Variants in SUMF1 observed in about 807,000 individuals in gnomAD.
SUMF1 encodes sulfatase modifying factor 1, also known as formylglycine-generating enzyme.
Under a neutral mutation model 47.6 loss-of-function variants are expected in SUMF1, and 48 were observed. The ratio of observed to expected loss-of-function variants is 1.01; its 90% CI spans 0.80 to 1.28. The LOEUF is 1.28. SUMF1 is among the 50% of genes most tolerant of loss of function. The pLI is 0.00. For missense variants in SUMF1, 571 were observed against 485.4 expected (o/e 1.18, Z -1.66); for synonymous variants, 230 against 192.1 (o/e 1.20, Z -1.63).
chr3:4,105,781 C>T (rs551371227), intron 8 of SUMF1, among the ~76,000 whole-genome samples: 84 of 152,186 alleles, frequency 5.5e-4, no homozygotes, highest in Non-Finnish European at 9.3e-4. Context: ...AAATCTATAT[C>T]ATAAATTGAA....
chr3:4,466,608 C>G (rs138405685), intron 1 of SUMF1, among the ~76,000 whole-genome samples: 2 of 152,086 alleles, frequency 1.3e-5, no homozygotes, highest in Non-Finnish European at 2.9e-5. Context: ...ATACAACAAC[C>G]CTGGTGAAGA....
chr3:4,412,741 G>A (rs950051944), intron 6 of SUMF1, among the ~76,000 whole-genome samples: 1 of 152,000 alleles, frequency 6.6e-6, no homozygotes, highest in Non-Finnish European at 1.5e-5. Flanking sequence ...AAAAAAATTA[G>A]CCAGGCAGGT....
At chr3:4,188,190 T>C (rs1019678956) in intron 8 of SUMF1, among the ~76,000 whole-genome samples, 1 of 151,880 alleles carries the variant, frequency 6.6e-6, no homozygotes, top group African/African-American at 2.4e-5. Flanking sequence ...TTTTTTTTTT[T>C]TTTGAGACAG....
chr3:4,071,683 T>C (rs1279538974), intron 8 of SUMF1, among the ~76,000 whole-genome samples: 1 of 152,164 alleles, frequency 6.6e-6, no homozygotes, highest in Non-Finnish European at 1.5e-5. Context: ...TAAACAAAGC[T>C]GCCAGGAAGC....
intron 8 of SUMF1, among the ~76,000 whole-genome samples, chr3:4,295,295 C>G (rs1433434597): frequency 6.6e-6 from 1 of 152,012 alleles, no homozygotes; most frequent in African/African-American, 2.4e-5. Context: ...GGATTCCAGT[C>G]TCAGATGATA....
intron 7 of SUMF1, among the ~76,000 whole-genome samples, chr3:4,379,840 C>CAAAAA (rs58264459): frequency 2.2e-4 from 17 of 76,866 alleles, no homozygotes; most frequent in African/African-American, 4.8e-4. Context: ...GCCTCCATCT[C>CAAAAA]AAAAAAAAAA....
chr3:4,325,288 A>C (rs1033677455), intron 8 of SUMF1, among the ~76,000 whole-genome samples: 9 of 152,128 alleles, frequency 5.9e-5, no homozygotes, highest in African/African-American at 2.2e-4. Context: ...TTATTCCTAG[A>C]AGGCTAGTAT....
chr3:4,150,379 C>T (rs971924055), intron 8 of SUMF1, among the ~76,000 whole-genome samples: 7 of 151,422 alleles, frequency 4.6e-5, no homozygotes, highest in South Asian at 4.2e-4. Context: ...CTGGGCAACA[C>T]GGTGAAATCC....
intron 8 of SUMF1, among the ~76,000 whole-genome samples, chr3:4,227,919 G>C (rs892240879): frequency 2.6e-5 from 4 of 152,090 alleles, no homozygotes; most frequent in Admixed American, 2.0e-4. Context: ...ATTTATATTT[G>C]AGTGTGATGC....
chr3:4,089,047 T>C (rs1406002706), intron 8 of SUMF1, among the ~76,000 whole-genome samples: 1 of 152,062 alleles, frequency 6.6e-6, no homozygotes. Context: ...AGATGACATA[T>C]ACCCCTGTCA....
At chr3:4,406,422 G>A (rs570928640) in intron 7 of SUMF1, among the ~76,000 whole-genome samples, 1 of 152,246 alleles carries the variant, frequency 6.6e-6, no homozygotes, top group Non-Finnish European at 1.5e-5. Context: ...TCGGGAGGCG[G>A]AGGCAGGTGG....
chr3:4,371,016 A>T (rs1700151238), intron 8 of SUMF1, among the ~76,000 whole-genome samples: 1 of 152,216 alleles, frequency 6.6e-6, no homozygotes, highest in Non-Finnish European at 1.5e-5. Context: ...ATCACTTGAG[A>T]AAACAGTCAA....
chr3:4,303,576 G>C (rs1698042351), intron 8 of SUMF1: 1 of 1,346,494 alleles, frequency 7.4e-7, no homozygotes, highest in South Asian at 2.0e-5. Flanking sequence ...GCTCCCCCAC[G>C]TGGTCTCCTC....
intron 8 of SUMF1, among the ~76,000 whole-genome samples, chr3:4,246,744 A>T (rs1266259441): frequency 1.3e-5 from 2 of 152,088 alleles, no homozygotes; most frequent in African/African-American, 4.8e-5. Context: ...ATACTTCACT[A>T]ACCACCAAGA....
chr3:4,260,367 G>C (rs927613950), intron 8 of SUMF1, among the ~76,000 whole-genome samples: 1 of 152,124 alleles, frequency 6.6e-6, no homozygotes, highest in African/African-American at 2.4e-5. Context: ...TGTTGTTGCT[G>C]TTGTTTCTTA....
chr3:4,322,776 G>A (rs1216454774), intron 8 of SUMF1, among the ~76,000 whole-genome samples: 1 of 151,778 alleles, frequency 6.6e-6, no homozygotes, highest in Non-Finnish European at 1.5e-5. Flanking sequence ...CTACTCTAAA[G>A]CAGTTTGGCA....
chr3:4,384,882 T>G (rs184615108), intron 7 of SUMF1, among the ~76,000 whole-genome samples: 3,510 of 141,674 alleles, frequency 0.025, 83 homozygotes, highest in Admixed American at 0.063. Context: ...CATTTTCTTT[T>G]TTCTTTTTTC....
chr3:4,070,107 C>T (rs780322658), intron 8 of SUMF1, among the ~76,000 whole-genome samples: 4 of 152,278 alleles, frequency 2.6e-5, no homozygotes, highest in South Asian at 2.1e-4. Flanking sequence ...ATAAACTCAA[C>T]GAATTATGAC....
chr3:4,169,312 A>G (rs1356572864), intron 8 of SUMF1, among the ~76,000 whole-genome samples: 2 of 152,216 alleles, frequency 1.3e-5, no homozygotes, highest in Admixed American at 6.6e-5. Context: ...ATAGGAGTTA[A>G]CAATGATCAA....
Sources: gnomAD v4.1 joint callset for allele counts (sites outside exome capture counted in the v4.1 genomes callset) on GRCh38, gnomAD v4.1.1 for gene constraint, MANE v1.5 for transcripts, NCBI Gene and HGNC (gene_info 2026-07-23, HGNC 2026-07-21) for gene names.